Variants in SPTBN5 observed in about 807,000 individuals in gnomAD.
The protein encoded by SPTBN5 is spectrin beta, non-erythrocytic 5, also known as spectrin beta chain, non-erythrocytic 5.
SPTBN5 carries 513 observed loss-of-function variants against 477.6 expected under a neutral mutation model. The ratio of observed to expected loss-of-function variants is 1.07; its 90% CI spans 1.00 to 1.16. SPTBN5 has a LOEUF of 1.16. SPTBN5 is among the 50% of genes most tolerant of loss of function. SPTBN5 has a pLI of 0.00. For missense variants in SPTBN5, 5,062 were observed against 4,731.8 expected, an observed-to-expected ratio of 1.07 and a Z score of -2.05; for synonymous variants, 2,169 against 2,011.7, an observed-to-expected ratio of 1.08 and a Z score of -2.09.
intron 64 of SPTBN5, 56 bp from the exon 65 acceptor site, chr15:41,851,206 G>A (rs547021512): frequency 1.6e-5 from 25 of 1,582,148 alleles, no homozygotes; most frequent in Non-Finnish European, 1.6e-5. Flanking sequence ...TTCCCTGTGG[G>A]GTCCCTCTGT....
Position 41,857,684 on chromosome 15 carries a change from G to A in SPTBN5, c.8253C>T (p.Gly2751=). The A allele has an allele frequency of 6.3e-7, 1 of 1,580,446 alleles. No homozygotes were observed. The part of the protein sequence containing the change: ...QREGQRLLQG[G]HPASEAIQER... The stretch of plus-strand genomic sequence containing the variant: ...CCTGGATGGCCTCCGAGGCTGGGTG[G>A]CCCCCCTGCAGCAGCCTCTGTCCCT... The change falls in exon 50 of 68, where the codon GGC becomes GGT. Residue 2751 remains glycine (G), a synonymous_variant. Transcript: ENST00000320955.
rs141036012 is a variant in SPTBN5 at position 41,869,223 on chromosome 15, G to C, written c.5853+618C>G. On this transcript the variant is annotated intron_variant, in intron 32 of 67. Transcript: ENST00000320955. ...TGACAAACCCAGGGTTAAGTGCCTT[G>C]CTCAAGCTCACACTGCTAGCAAATC... Among the ~76,000 whole-genome samples, 591 of 152,318 alleles carry C rather than the reference G, an allele frequency of 3.9e-3. 4 individuals are homozygous for C. The highest frequency in any genetic ancestry group is 0.014 in the African/African-American group (566 of 41,562).
chr15:41,862,785 C>G lies in SPTBN5; in HGVS notation c.7263+5G>C, dbSNP rs72724193. The G allele has an allele frequency of 3.2e-6, 5 of 1,563,192 alleles. No homozygotes were observed. Among genetic ancestry groups the G allele is most frequent in the South Asian group, 1.2e-5 (1 of 84,892 alleles). ...CTGGGCCCAGCTCTACAGCCAGCTA[C>G]GCACCTCCACCTGGGCCTGGATGGG... is the stretch of plus-strand genomic sequence containing the variant. On this transcript the variant is annotated splice_donor_5th_base_variant and intron_variant, in intron 42 of 67. Transcript: ENST00000320955.
intron 47 of SPTBN5, among the ~76,000 whole-genome samples, chr15:41,860,364 A>G (rs1258905802): frequency 6.6e-6 from 1 of 152,226 alleles, no homozygotes; most frequent in Admixed American, 6.5e-5. Context: ...TCTCAACTGA[A>G]TGAAGAAGGA....
Position 41,878,525 on chromosome 15 carries a change from C to G in SPTBN5, c.3287G>C (p.Arg1096Pro). ...CCGGGCCTGAGTCTCAGCCTGGCGC[C>G]GGGCCCGTTGGGCCACTTGTTCCTG... is the stretch of plus-strand genomic sequence containing the variant. ...QVQEQVAQRA[R>P]RQAETQARQS... Residue 1096 changes from arginine (R) to proline (P), a missense_variant, in exon 17 of 68, where the codon CGG becomes CCG. Arg to Pro is a moderately radical substitution (Grantham distance 103, BLOSUM62 -2). Coordinates refer to ENST00000320955, the MANE Select transcript of SPTBN5 (RefSeq NM_016642.4). The G allele has an allele frequency of 3.1e-6, 5 of 1,612,988 alleles. No individual in the cohort carries two copies. The highest frequency in any genetic ancestry group is 4.2e-6 in the Non-Finnish European group (5 of 1,179,704).
At chr15:41,871,558 C>A (rs548617846) in intron 28 of SPTBN5, 38 bp from the exon 29 acceptor site, 26 of 1,430,958 alleles carry the variant, frequency 1.8e-5, no homozygotes, top group South Asian at 3.1e-5. Flanking sequence ...TAGCCCCCAG[C>A]TGGTTAGGCG....
intron 23 of SPTBN5, 82 bp downstream of exon 23, chr15:41,874,760 C>A: frequency 7.1e-7 from 1 of 1,417,972 alleles, no homozygotes; most frequent in East Asian, 2.4e-5. Context: ...TCTGGACACC[C>A]CGGTCCTGTG....
At chr15:41,861,343 G>C in intron 46 of SPTBN5, 76 bp downstream of exon 46, 1 of 1,324,992 alleles carries the variant, frequency 7.5e-7, no homozygotes, top group Non-Finnish European at 1.1e-6. Context: ...AGGGAGCTCA[G>C]GCAGCACTGG....
Position 41,873,544 on chromosome 15 carries a change from C to T in SPTBN5, c.4955G>A (p.Arg1652Gln), listed in dbSNP as rs376716549. The T allele has an allele frequency of 3.3e-4, 508 of 1,552,160 alleles. 1 individual carries two copies. Among genetic ancestry groups the T allele is most frequent in the Admixed American group, 2.4e-3 (122 of 51,078 alleles). The change falls in exon 26 of 68, where the codon CGG becomes CAG. Residue 1652 changes from arginine (R) to glutamine (Q), a missense_variant. Transcript: ENST00000320955. The part of the protein sequence containing the change: ...VEEKRPLVSS[R>Q]DYGRDEAATL... ...GGCTGCCTCGTCTCTGCCATAGTCC[C>T]GACTGCTCACCAGCGGCCGCTTCTC...
chr15:41,893,583 A>G, intron 1 of SPTBN5, 37 bp from the exon 2 acceptor site: 1 of 1,502,954 alleles, frequency 6.7e-7, no homozygotes, highest in Non-Finnish European at 8.9e-7. Context: ...ATGTGAATGG[A>G]GATGGCCCCT....
In SPTBN5 at chr15:41,863,958, G is replaced by A. The variant is rs781271700; in HGVS notation, c.6985C>T (p.Pro2329Ser). ...DLSLQLKNRD[P>S]EEVKIICQRR... is the part of the protein sequence containing the mutation. ...TGGCAGATGATCTTGACTTCCTCAG[G>A]GTCCCGGTTCTTGAGCTGCAGTGAC... Residue 2329 changes from proline to serine, a missense_variant, in exon 40 of 68, where the codon CCT (proline) becomes TCT (serine). By Grantham distance (74) the Pro-to-Ser change is moderately conservative (BLOSUM62 -1). Transcript: ENST00000320955. 13 of 1,613,828 alleles carry A rather than the reference G, an allele frequency of 8.1e-6. No homozygotes were observed. The East Asian group carries it at 1.3e-4, about 17-fold the overall frequency.
Position 41,852,908 on chromosome 15 carries a change from G to A in SPTBN5, c.10263C>T (p.Gly3421=), listed in dbSNP as rs201792614. The change falls in exon 60 of 68, where the codon GGC becomes GGT. Residue 3421 remains glycine, a synonymous_variant. Coordinates refer to ENST00000320955, the MANE Select transcript of SPTBN5 (RefSeq NM_016642.4). ...CCAGCCTCTGCCGAAGCTTCTGCAG[G>A]CCCCAGCTCTCGGCACAGCGTTGCC... ...LRWQRCAESW[G]LQKLRQRLEQ... is the part of the protein sequence containing the mutation. The A allele has an allele frequency of 1.8e-4, 291 of 1,605,248 alleles. 1 individual carries two copies. In the Middle Eastern group the frequency reaches 2.8e-3, roughly 16 times the overall value.
Position 41,867,145 on chromosome 15 carries a change from G to A in SPTBN5, c.6313-19C>T. On this transcript the variant is annotated intron_variant, in intron 35 of 67. Coordinates refer to ENST00000320955, the MANE Select transcript of SPTBN5 (RefSeq NM_016642.4). ...CTGCCTCCTGTGGGGCAGGGGCACA[G>A]CTGCTGCTCTCCCACCCTGGGCTGG... The A allele has an allele frequency of 6.6e-7, 1 of 1,516,136 alleles. No individual in the cohort carries two copies. The highest frequency in any genetic ancestry group is 1.2e-5 in the South Asian group (1 of 81,088). The allele number at this position is 1,516,136 out of a possible 1,614,324, so 93.9% of individuals were successfully genotyped here.
chr15:41,852,129 A>G, intron 62 of SPTBN5, 53 bp downstream of exon 62: 1 of 1,520,918 alleles, frequency 6.6e-7, no homozygotes, highest in South Asian at 1.3e-5. Context: ...GCCCCACTGC[A>G]TGCTTCAGGG....
chr15:41,870,683 CCTT>C (rs960848442), intron 29 of SPTBN5, 123 bp from the exon 30 acceptor site: 1 of 780,144 alleles, frequency 1.3e-6, no homozygotes, highest in African/African-American at 1.7e-5. Context: ...CAAAGCTCCT[CCTT>C]CTTAAAACCT....
At chr15:41,866,914 A>G (rs1297423100) in intron 36 of SPTBN5, 45 bp downstream of exon 36, 2 of 1,519,460 alleles carry the variant, frequency 1.3e-6, no homozygotes, top group Non-Finnish European at 1.8e-6. Context: ...AAAACTGTCG[A>G]GTGTGGTTCC....
chr15:41,882,229 C>CCCGGG, intron 11 of SPTBN5, 40 bp downstream of exon 11: 14 of 1,263,746 alleles, frequency 1.1e-5, no homozygotes, highest in Non-Finnish European at 1.3e-5. Context: ...CCCGCCTCGC[C>CCCGGG]GGGCCCCGCC....
chr15:41,849,855 C>T lies in SPTBN5; in HGVS notation c.11012+14G>A, dbSNP rs1418479775. 1.9e-6 allele frequency: 3 copies of T among 1,558,958 alleles called. No individual in the cohort carries two copies. The highest frequency in any genetic ancestry group is 1.7e-4 in the Middle Eastern group (1 of 5,968). On this transcript the variant is annotated intron_variant, in intron 67 of 67. Coordinates refer to ENST00000320955, the MANE Select transcript of SPTBN5 (RefSeq NM_016642.4). ...AGGGCTCCCCGCCCTGCTTCCCCCA[C>T]CCAGGTGTCCCACCTGAGTAGACAT... is the stretch of plus-strand genomic sequence containing the variant.
intron 39 of SPTBN5, 100 bp downstream of exon 39, chr15:41,865,708 C>T (rs909450777): frequency 9.2e-6 from 10 of 1,089,708 alleles, no homozygotes; most frequent in South Asian, 7.8e-5. Context: ...GCAGGCATGG[C>T]GCCCACGCCC....
Sources: gnomAD v4.1 joint callset for allele counts (sites outside exome capture counted in the v4.1 genomes callset) on GRCh38, gnomAD v4.1.1 for gene constraint, MANE v1.5 for transcripts, NCBI Gene and HGNC (gene_info 2026-07-23, HGNC 2026-07-21) for gene names.